The following NXPH1 variants were observed in gnomAD, a reference collection of about 807,000 sequenced individuals.
NXPH1 encodes the protein neurexophilin-1.
NXPH1 carries 5 observed loss-of-function variants against 23.7 expected under a neutral mutation model. The observed-to-expected ratio is 0.21, with a 90% CI of 0.11 to 0.44. NXPH1 has a LOEUF of 0.44. Ranked by LOEUF, NXPH1 falls within the 20% of genes least tolerant of loss-of-function variation. NXPH1 has a pLI of 0.99. For synonymous variants in NXPH1, 144 were observed against 122.2 expected, an observed-to-expected ratio of 1.18 and a Z score of -1.18; for missense variants, 324 against 321.6, an observed-to-expected ratio of 1.01 and a Z score of -0.06.
intron 2 of NXPH1, among the ~76,000 whole-genome samples, chr7:8,546,681 T>G (rs2128619109): frequency 6.6e-6 from 1 of 151,576 alleles, no homozygotes; most frequent in South Asian, 2.1e-4. Flanking sequence ...ATTTGCTTGC[T>G]TATCTTTCTG....
Position 8,728,176 on chromosome 7 carries a change from T to G in NXPH1, c.55-22832T>G, listed in dbSNP as rs563793542. Among the ~76,000 whole-genome samples the G allele has an allele frequency of 5.9e-3, 901 of 151,802 alleles. 2 individuals carry two copies. Among genetic ancestry groups the G allele is most frequent in the Middle Eastern group, 0.027 (8 of 294 alleles). On this transcript the variant is annotated intron_variant, in intron 2 of 2. Coordinates refer to ENST00000405863, the MANE Select transcript of NXPH1 (RefSeq NM_152745.3). ...GTGTATAAGAATGCTTGTGATTTTT[T>G]TACTTTGATTTTGTATCCTGAGACT...
At chr7:8,536,044 A>G (rs758010069) in intron 2 of NXPH1, among the ~76,000 whole-genome samples, 1 of 151,816 alleles carries the variant, frequency 6.6e-6, no homozygotes, top group African/African-American at 2.4e-5. Flanking sequence ...CCCCCTAAAC[A>G]CCTTGTACTT....
chr7:8,745,367 A>G (rs1231826436), intron 2 of NXPH1, among the ~76,000 whole-genome samples: 1 of 135,298 alleles, frequency 7.4e-6, no homozygotes, highest in Admixed American at 8.0e-5. Context: ...CTCTCTTAGC[A>G]TGGTCTCACT....
rs1780193981 is a variant in NXPH1 at position 8,733,513 on chromosome 7, T to C, written c.55-17495T>C. Among the ~76,000 whole-genome samples, 4 of 152,174 alleles carry C rather than the reference T, an allele frequency of 2.6e-5. No homozygotes were observed. In the South Asian group the frequency reaches 6.2e-4, roughly 24 times the overall value. On this transcript the variant is annotated intron_variant, in intron 2 of 2. Coordinates refer to ENST00000405863, the MANE Select transcript of NXPH1 (RefSeq NM_152745.3). ...CTCCCACCAACACTGTAAAAGCGTT[T>C]CTATTTCTCCACATCTTCTCCAGCA...
rs1780558421 is a variant in NXPH1, at chr7:8,751,148, C to G, written c.195C>G (p.Gly65=). 1 of 1,613,796 alleles carries G rather than the reference C, an allele frequency of 6.2e-7. No homozygotes were observed. The highest frequency in any genetic ancestry group is 1.1e-5 in the South Asian group (1 of 91,082). The part of the protein sequence containing the change: ...ISRLLSQTFR[G]KENDTDLDLR... ...GACTCCTGTCACAGACTTTTCGTGG[C>G]AAAGAGAATGATACAGATTTGGACC... The change falls in exon 3 of 3, where the codon GGC becomes GGG. Residue 65 remains glycine, a synonymous_variant. Coordinates refer to ENST00000405863, the MANE Select transcript of NXPH1 (RefSeq NM_152745.3). This position sits in a 1 kb window ranked among gnomAD's most constrained non-coding sequence, Gnocchi z 4.5.
intron 2 of NXPH1, among the ~76,000 whole-genome samples, chr7:8,632,709 C>T (rs1345200420): frequency 1.3e-5 from 2 of 152,200 alleles, no homozygotes; most frequent in Non-Finnish European, 2.9e-5. Context: ...CCTTAACTTA[C>T]TCTCAAATTT....
chr7:8,446,870 T>TC (rs1816414081), intron 2 of NXPH1, among the ~76,000 whole-genome samples: 3 of 151,806 alleles, frequency 2.0e-5, no homozygotes, highest in Admixed American at 1.3e-4. Context: ...GCTGTTCCCC[T>TC]CCCCATTTCA....
chr7:8,456,948 C>T (rs981061037), intron 2 of NXPH1, among the ~76,000 whole-genome samples: 2 of 152,148 alleles, frequency 1.3e-5, no homozygotes, highest in Non-Finnish European at 2.9e-5. Flanking sequence ...AACTCTCTAT[C>T]CTTCTTAGAT....
At chr7:8,738,345 C>T (rs1780298215) in intron 2 of NXPH1, among the ~76,000 whole-genome samples, 1 of 152,144 alleles carries the variant, frequency 6.6e-6, no homozygotes, top group Non-Finnish European at 1.5e-5. Flanking sequence ...GATGCTATTC[C>T]TTTCTATTAG....
chr7:8,513,480 A>G (rs149764943), intron 2 of NXPH1, among the ~76,000 whole-genome samples: 231 of 152,246 alleles, frequency 1.5e-3, no homozygotes, highest in African/African-American at 4.9e-3. Flanking sequence ...GTTGATTACA[A>G]TGTATACCAG....
chr7:8,739,071 G>A (rs12531055), intron 2 of NXPH1, among the ~76,000 whole-genome samples: 1 of 151,338 alleles, frequency 6.6e-6, no homozygotes, highest in Non-Finnish European at 1.5e-5. Context: ...CTCCTTGGGG[G>A]TGGGATCCAC....
At chr7:8,503,885 C>T (rs1485396835) in intron 2 of NXPH1, among the ~76,000 whole-genome samples, 3 of 152,012 alleles carry the variant, frequency 2.0e-5, no homozygotes, top group Non-Finnish European at 2.9e-5. Flanking sequence ...TCCAATGCTT[C>T]CTTAGGCACT....
chr7:8,591,514 T>C (rs1035971467), intron 2 of NXPH1, among the ~76,000 whole-genome samples: 2 of 152,090 alleles, frequency 1.3e-5, no homozygotes, highest in African/African-American at 4.8e-5. Flanking sequence ...TATCATGCTT[T>C]AAGATTCTTA....
At chr7:8,711,094 C>T (rs1437652155) in intron 2 of NXPH1, among the ~76,000 whole-genome samples, 1 of 152,194 alleles carries the variant, frequency 6.6e-6, no homozygotes, top group African/African-American at 2.4e-5. Flanking sequence ...CAAGTTATCT[C>T]CCTGGAGTAT....
At chr7:8,594,983 C>T (rs1026824918) in intron 2 of NXPH1, among the ~76,000 whole-genome samples, 1 of 151,996 alleles carries the variant, frequency 6.6e-6, no homozygotes, top group East Asian at 1.9e-4. Flanking sequence ...CTCAAAAGCT[C>T]TTGAACCTGA....
intron 2 of NXPH1, among the ~76,000 whole-genome samples, chr7:8,600,851 T>C (rs1166803693): frequency 6.6e-6 from 1 of 152,140 alleles, no homozygotes; most frequent in Non-Finnish European, 1.5e-5. Context: ...CCCTGGGTTC[T>C]GCATCCCTGG....
At chr7:8,721,695 G>A (rs764842135) in intron 2 of NXPH1, among the ~76,000 whole-genome samples, 1 of 152,156 alleles carries the variant, frequency 6.6e-6, no homozygotes, top group Non-Finnish European at 1.5e-5. Context: ...GGAGATGGCT[G>A]TGAGCCCAGG....
chr7:8,485,917 G>T (rs1382744726), intron 2 of NXPH1, among the ~76,000 whole-genome samples: 1 of 151,988 alleles, frequency 6.6e-6, no homozygotes, highest in East Asian at 1.9e-4. Flanking sequence ...ACCATTTGTG[G>T]GTTAAACTTC....
At chr7:8,453,413 T>C (rs889809342) in intron 2 of NXPH1, among the ~76,000 whole-genome samples, 7 of 152,144 alleles carry the variant, frequency 4.6e-5, no homozygotes, top group African/African-American at 1.7e-4. Context: ...GTTGCCAAGG[T>C]GGCTGTATAT....
Sources: allele counts gnomAD v4.1 joint callset (sites outside exome capture counted in the v4.1 genomes callset), GRCh38; gene constraint gnomAD v4.1.1; non-coding constraint Gnocchi (gnomAD v3.1); transcripts MANE v1.5; gene names NCBI Gene and HGNC (gene_info 2026-07-23, HGNC 2026-07-21).